Variants in NFRKB observed in about 807,000 individuals in gnomAD.
The protein encoded by NFRKB is nuclear factor related to kappaB binding protein.
Under a neutral mutation model 135.7 loss-of-function variants are expected in NFRKB, and 62 were observed. The observed-to-expected ratio is 0.46, with a 90% CI of 0.37 to 0.56. The LOEUF (loss-of-function observed/expected upper bound fraction) is 0.56, where lower values mean the gene tolerates loss of function less well. NFRKB is among the 20% of genes least tolerant of loss of function. The probability of loss-of-function intolerance (pLI) is 0.00; values close to 1 mark genes in which losing one functional copy is unlikely to be tolerated. For synonymous variants in NFRKB, 678 were observed against 635.6 expected, an observed-to-expected ratio of 1.07 and a Z score of -1.00; for missense variants, 1,545 against 1,662.0, an observed-to-expected ratio of 0.93 and a Z score of 1.22.
chr11:129,870,040 G>C lies in NFRKB; in HGVS notation c.2985C>G (p.Phe995Leu), dbSNP rs766849064. ...VTTVKLTQDL[F>L]GTGGNTTGKG... is the part of the protein sequence containing the mutation. The stretch of plus-strand genomic sequence containing the variant: ...TGCCTGTAGTGTTGCCTCCTGTCCC[G>C]AAGAGGTCCTGGGTCAATTTGACTG... The change falls in exon 24 of 27, where the codon TTC becomes TTG. Residue 995 changes from phenylalanine (F) to leucine (L), a missense_variant. Phe to Leu is a conservative substitution (Grantham distance 22, BLOSUM62 0). Coordinates refer to ENST00000682444, the MANE Select transcript of NFRKB (RefSeq NM_001143835.2). 3.7e-6 allele frequency: 6 copies of C among 1,614,230 alleles called. No individual in the cohort carries two copies. Among genetic ancestry groups the C allele is most frequent in the Non-Finnish European group, 3.4e-6 (4 of 1,180,038 alleles).
In NFRKB at chr11:129,864,728, T is replaced by C. The variant is rs1238755886; in HGVS notation, c.3897A>G (p.Gln1299=). The C allele has an allele frequency of 4.3e-6, 7 of 1,614,034 alleles. No individual in the cohort carries two copies. The highest frequency in any genetic ancestry group is 3.3e-5 in the Admixed American group (2 of 60,000). The change falls in exon 27 of 27, where the codon CAA becomes CAG. Residue 1299 remains glutamine (Q), a synonymous_variant. Transcript: ENST00000682444. ...CGGAAGCCATCCTCTCTCATAATCATTGTTGCTCAGGTGCCTGTTTAGGAG... is the reference window on the plus strand; with the variant it reads ...CGGAAGCCATCCTCTCTCATAATCACTGTTGCTCAGGTGCCTGTTTAGGAG... ...APSPKQAPEQ[Q]
In NFRKB at chr11:129,886,327, G is replaced by T. The variant is rs771257643; in HGVS notation, c.455C>A (p.Ala152Asp). The T allele has an allele frequency of 6.2e-7, 1 of 1,614,108 alleles. No homozygotes were observed. ...CCCAGCACTACTTACACTCCGGGAA[G>T]CAAGAATTTGCTTCAGCAGCCGATG... ...YFHRLLKQILASRSDLLEMAR... is the reference protein window; with the variant it reads ...YFHRLLKQILDSRSDLLEMAR... The change falls in exon 5 of 27, where the codon GCT becomes GAT. Residue 152 changes from alanine (A) to aspartate (D), a missense_variant. Physicochemically the swap from Ala to Asp is moderately radical, Grantham distance 126. Coordinates refer to ENST00000682444, the MANE Select transcript of NFRKB (RefSeq NM_001143835.2).
intron 11 of NFRKB, 36 bp from the exon 12 acceptor site, chr11:129,881,889 C>A: frequency 6.4e-7 from 1 of 1,560,174 alleles, no homozygotes; most frequent in South Asian, 1.2e-5. Context: ...AGTCAGACTT[C>A]TCTTCCACAC....
chr11:129,873,702 G>C lies in NFRKB; in HGVS notation c.2550+43C>G, dbSNP rs80217088. The C allele has an allele frequency of 5.3e-3, 8,518 of 1,597,154 alleles. 391 individuals are homozygous for C. In the African/African-American group the frequency reaches 0.1, roughly 19 times the overall value. On this transcript the variant is annotated intron_variant, in intron 22 of 26. Transcript: ENST00000682444. ...ATCTGACTCATCAGCCCACCTCTGG[G>C]TCTGCATCTCTGCTTCCCAATGACC...
chr11:129,876,965 T>C, intron 16 of NFRKB, 70 bp from the exon 17 acceptor site: 1 of 1,394,622 alleles, frequency 7.2e-7, no homozygotes, highest in Non-Finnish European at 1.0e-6. Flanking sequence ...TTCCTTACAA[T>C]ATAAGCAGAT....
intron 1 of NFRKB, among the ~76,000 whole-genome samples, chr11:129,895,053 A>C (rs1949711999): frequency 1.3e-5 from 2 of 152,234 alleles, no homozygotes; most frequent in African/African-American, 4.8e-5. Flanking sequence ...GGACCCCGGA[A>C]GCCAAGGATT....
chr11:129,875,030 T>A, intron 18 of NFRKB, 114 bp from the exon 19 acceptor site: 1 of 1,370,400 alleles, frequency 7.3e-7, no homozygotes, highest in Non-Finnish European at 1.0e-6. Flanking sequence ...GCAGATTCTA[T>A]CTCAGCCTAG....
intron 26 of NFRKB, 27 bp from the exon 27 acceptor site, chr11:129,864,877 C>A (rs1393051052): frequency 6.2e-7 from 1 of 1,613,888 alleles, no homozygotes; most frequent in African/African-American, 1.3e-5. Flanking sequence ...AAGGTCAGGT[C>A]AATGGATTGC....
intron 5 of NFRKB, 25 bp downstream of exon 5, chr11:129,886,292 A>C (rs755023423): frequency 1.4e-5 from 22 of 1,601,578 alleles, no homozygotes; most frequent in East Asian, 1.3e-4. Context: ...CCCACATTTT[A>C]TATCCAGTTC....
chr11:129,873,636 CA>C, intron 22 of NFRKB, 108 bp downstream of exon 22: 1 of 1,418,732 alleles, frequency 7.0e-7, no homozygotes, highest in Non-Finnish European at 9.7e-7. Flanking sequence ...TCACCAGTAG[CA>C]ATAATCTATG....
At position 129,892,873 on chromosome 11, in the gene NFRKB, G is replaced by A. The variant is rs777065303; in HGVS notation, c.-21-3C>T. 5 of 1,614,018 alleles carry A rather than the reference G, an allele frequency of 3.1e-6. No individual in the cohort carries two copies. In the South Asian group the frequency reaches 3.3e-5, roughly 11 times the overall value. On this transcript the variant is annotated splice_region_variant and splice_polypyrimidine_tract_variant and intron_variant, in intron 2 of 26. Coordinates refer to ENST00000682444, the MANE Select transcript of NFRKB (RefSeq NM_001143835.2). ...ATTGTTTCTTCTCCACAGGTACTCTGGACAAAGACATGCATCTTGAGACAG... is the reference window on the plus strand; with the variant it reads ...ATTGTTTCTTCTCCACAGGTACTCTAGACAAAGACATGCATCTTGAGACAG...
intron 1 of NFRKB, among the ~76,000 whole-genome samples, chr11:129,894,696 G>C (rs148563166): frequency 2.6e-4 from 40 of 152,202 alleles, no homozygotes; most frequent in Middle Eastern, 3.2e-3. Flanking sequence ...TCAGCACATG[G>C]TGAAATGACA....
intron 3 of NFRKB, among the ~76,000 whole-genome samples, chr11:129,891,044 T>A (rs1949537657): frequency 6.6e-6 from 1 of 152,194 alleles, no homozygotes; most frequent in Non-Finnish European, 1.5e-5. Flanking sequence ...CTGTTTTTGG[T>A]AGAAAATAGA....
At chr11:129,879,359 C>T (rs1471570975) in intron 13 of NFRKB, among the ~76,000 whole-genome samples, 2 of 152,170 alleles carry the variant, frequency 1.3e-5, no homozygotes, top group Non-Finnish European at 2.9e-5. Flanking sequence ...AACATTCTGC[C>T]AGGCCCAGGT....
At chr11:129,893,821 A>G (rs1210317959) in intron 2 of NFRKB, 6 of 152,432 alleles carry the variant, frequency 3.9e-5, no homozygotes, top group African/African-American at 1.4e-4. Flanking sequence ...CAGTACTGAA[A>G]CTCAGGTCTA....
Position 129,895,547 on chromosome 11 carries a change from C to A in NFRKB, c.-153G>T, listed in dbSNP as rs978247990. ...CCCGCAGCCCTTCTCCGGCCGCGGG[C>A]TCCCAGACGCACTCGCTCCCGCAAG... On this transcript the variant is annotated 5_prime_UTR_variant, in exon 1 of 27. Transcript: ENST00000682444. 2 of 152,324 alleles carry A rather than the reference C, an allele frequency of 1.3e-5. No individual in the cohort carries two copies. The highest frequency in any genetic ancestry group is 2.4e-5 in the African/African-American group (1 of 41,456). 9.4% of individuals were successfully genotyped at this position (152,324 alleles called of 1,614,324 possible).
Position 129,883,109 on chromosome 11 carries a change from C to T in NFRKB, c.901+13G>A. 1.2e-6 allele frequency: 2 copies of T among 1,613,332 alleles called. No homozygotes were observed. The highest frequency in any genetic ancestry group is 1.7e-5 in the Admixed American group (1 of 59,970). ...AGTCAGATGAAGGCTCCTAGAGGGG[C>T]CCAGTCATTTACCTGCCAGAGAGCC... On this transcript the variant is annotated intron_variant, in intron 9 of 26. Transcript: ENST00000682444.
rs376025141 is a variant in NFRKB, at chr11:129,884,867, T to C, written c.641-21A>G. The C allele has an allele frequency of 2.5e-6, 4 of 1,614,132 alleles. No homozygotes were observed. In the African/African-American group the frequency reaches 4.0e-5, roughly 16 times the overall value. ...GAGATCTTCAAAAGAAAATTGTTCT[T>C]GTAAATCCAACGTGGCTGTGGACTC... On this transcript the variant is annotated intron_variant, in intron 6 of 26. Transcript: ENST00000682444.
chr11:129,889,018 G>A (rs1949411598), intron 3 of NFRKB, among the ~76,000 whole-genome samples: 1 of 147,170 alleles, frequency 6.8e-6, no homozygotes, highest in Non-Finnish European at 1.5e-5. Flanking sequence ...TTTGCTCGTT[G>A]CCCAGGCTGG....
Sources: gnomAD v4.1 joint callset for allele counts (sites outside exome capture counted in the v4.1 genomes callset) on GRCh38, gnomAD v4.1.1 for gene constraint, MANE v1.5 for transcripts, NCBI Gene and HGNC (gene_info 2026-07-23, HGNC 2026-07-21) for gene names.